FGF12: variants seen among roughly 807,000 people sequenced by gnomAD.
FGF12 encodes the protein fibroblast growth factor 12.
A neutral mutation model predicts 23.6 loss-of-function variants in FGF12; 14 were observed. The observed-to-expected ratio is 0.59, with a 90% CI of 0.39 to 0.93. The LOEUF is 0.93. Among genes scored for constraint, FGF12 ranks in the 40% least tolerant of loss-of-function variants. FGF12 has a pLI of 0.00. For synonymous variants in FGF12, 62 were observed against 77.3 expected, an observed-to-expected ratio of 0.80 and a Z score of 1.04; for missense variants, 175 against 217.8, an observed-to-expected ratio of 0.80 and a Z score of 1.24.
In FGF12 at chr3:192,614,930, T is replaced by G. The variant is rs567342456; in HGVS notation, c.13+112251A>C. On this transcript the variant is annotated intron_variant, in intron 2 of 5. Transcript: ENST00000445105. ...TTTTTGTTTTATTTGTTTACAGGGG[T>G]TTTTTTCTCCATTATATCACTCTCT... Among the ~76,000 whole-genome samples, 4 of 151,176 alleles carry G rather than the reference T, an allele frequency of 2.6e-5. No individual in the cohort carries two copies. In the South Asian group the frequency reaches 8.3e-4, roughly 31 times the overall value.
chr3:192,516,008 C>T (rs1440568629), intron 2 of FGF12, among the ~76,000 whole-genome samples: 1 of 152,142 alleles, frequency 6.6e-6, no homozygotes, highest in East Asian at 1.9e-4. Context: ...ACACTAGAGA[C>T]AAGCAGCGTT....
At chr3:192,622,368 C>T (rs1715007104) in intron 2 of FGF12, among the ~76,000 whole-genome samples, 1 of 152,118 alleles carries the variant, frequency 6.6e-6, no homozygotes, top group Non-Finnish European at 1.5e-5. Context: ...GAGCAGAAAC[C>T]ACTAAACTAG....
At chr3:192,652,971 T>C (rs759798788) in intron 2 of FGF12, among the ~76,000 whole-genome samples, 10 of 152,206 alleles carry the variant, frequency 6.6e-5, no homozygotes, top group Non-Finnish European at 1.5e-4. Context: ...AAGCACCCAT[T>C]GTTAATTTGA....
intron 4 of FGF12, among the ~76,000 whole-genome samples, chr3:192,218,615 T>A (rs774768430): frequency 2.6e-5 from 4 of 152,164 alleles, no homozygotes; most frequent in Non-Finnish European, 5.9e-5. Flanking sequence ...AGGAGAAGCC[T>A]ATACAGCCTG....
At chr3:192,660,280 T>G (rs1376089937) in intron 2 of FGF12, among the ~76,000 whole-genome samples, 1 of 146,670 alleles carries the variant, frequency 6.8e-6, no homozygotes, top group Admixed American at 7.1e-5. Context: ...AAACACCTCA[T>G]GTTCTCACTC....
At chr3:192,328,119 A>G (rs960312260) in intron 4 of FGF12, among the ~76,000 whole-genome samples, 1 of 152,192 alleles carries the variant, frequency 6.6e-6, no homozygotes, top group African/African-American at 2.4e-5. Flanking sequence ...GTGGGACTGG[A>G]AGCAGAGTCA....
chr3:192,603,304 G>C (rs930154968), intron 2 of FGF12, among the ~76,000 whole-genome samples: 5 of 152,118 alleles, frequency 3.3e-5, no homozygotes, highest in African/African-American at 1.2e-4. Flanking sequence ...CTGCCAAAAG[G>C]TTCCTGGAAC....
intron 2 of FGF12, among the ~76,000 whole-genome samples, chr3:192,707,843 T>C (rs1334016021): frequency 6.6e-6 from 1 of 151,686 alleles, no homozygotes; most frequent in Non-Finnish European, 1.5e-5. Context: ...TCCACCAAGG[T>C]GCAGGAGAAA....
chr3:192,508,383 C>A (rs913996591), intron 2 of FGF12, among the ~76,000 whole-genome samples: 4 of 152,128 alleles, frequency 2.6e-5, no homozygotes, highest in African/African-American at 7.2e-5. Context: ...ATAAGGATAA[C>A]AATTGCATAC....
intron 2 of FGF12, among the ~76,000 whole-genome samples, chr3:192,496,613 T>C (rs907858565): frequency 1.3e-5 from 2 of 152,138 alleles, no homozygotes; most frequent in Non-Finnish European, 2.9e-5. Context: ...GATTTTTCCA[T>C]ACTCACTGTC....
Position 192,645,796 on chromosome 3 carries a change from G to T in FGF12, c.13+81385C>A, listed in dbSNP as rs544878546. Reference sequence around the variant, plus strand: ...AAAAAAAAAAAAAAAAAAAAAAAAAGTCTAGCTTTCTTGGAACCAACATTC... The same window carrying T: ...AAAAAAAAAAAAAAAAAAAAAAAAATTCTAGCTTTCTTGGAACCAACATTC... On this transcript the variant is annotated intron_variant, in intron 2 of 5. Coordinates refer to ENST00000445105, the MANE Select transcript of FGF12 (RefSeq NM_004113.6). Among the ~76,000 whole-genome samples, 322 of 85,512 alleles carry T rather than the reference G, an allele frequency of 3.8e-3. 2 individuals are homozygous for T. Among genetic ancestry groups the T allele is most frequent in the African/African-American group, 0.013 (307 of 22,900 alleles). 56.1% of individuals were successfully genotyped at this position (85,512 alleles called of 152,430 possible). A position where few individuals can be genotyped will look rare whatever the true frequency, so the allele number is the denominator to read the frequency against.
intron 2 of FGF12, among the ~76,000 whole-genome samples, chr3:192,522,208 AAAAC>A (rs1195429007): frequency 1.4e-4 from 21 of 151,834 alleles, no homozygotes; most frequent in African/African-American, 5.1e-4. Context: ...AAAAAAAAAA[AAAAC>A]AAAAAAAAAC....
At chr3:192,145,786 T>A (rs1704866496) in intron 5 of FGF12, among the ~76,000 whole-genome samples, 1 of 152,180 alleles carries the variant, frequency 6.6e-6, no homozygotes, top group South Asian at 2.1e-4. Flanking sequence ...ATCATATAAT[T>A]TTCAAATGAC....
At chr3:192,268,250 A>G (rs767617131) in intron 4 of FGF12, among the ~76,000 whole-genome samples, 11 of 152,102 alleles carry the variant, frequency 7.2e-5, no homozygotes, top group Non-Finnish European at 1.6e-4. Flanking sequence ...TGCTGCTTCC[A>G]ATTTTCCACG....
At chr3:192,425,508 G>T (rs1023458205) in intron 2 of FGF12, among the ~76,000 whole-genome samples, 2 of 152,266 alleles carry the variant, frequency 1.3e-5, no homozygotes, top group Non-Finnish European at 2.9e-5. Flanking sequence ...CCAGGGCAGC[G>T]ATCCTATGTG....
At chr3:192,427,978 T>A (rs997644929) in intron 2 of FGF12, among the ~76,000 whole-genome samples, 1 of 152,230 alleles carries the variant, frequency 6.6e-6, no homozygotes, top group Non-Finnish European at 1.5e-5. Flanking sequence ...CCACTGAGAA[T>A]GTCTTAGAAC....
chr3:192,421,021 G>T (rs1346219825), intron 2 of FGF12, among the ~76,000 whole-genome samples: 1 of 152,154 alleles, frequency 6.6e-6, no homozygotes, highest in Non-Finnish European at 1.5e-5. Context: ...ACACAATGAA[G>T]GGGGTGGAGA....
intron 2 of FGF12, among the ~76,000 whole-genome samples, chr3:192,688,836 C>G (rs982658077): frequency 1.3e-5 from 2 of 152,168 alleles, no homozygotes; most frequent in East Asian, 1.9e-4. Context: ...ATGGAATCAA[C>G]CTAAAAATTC....
chr3:192,270,968 C>T (rs557128022), intron 4 of FGF12, among the ~76,000 whole-genome samples: 113 of 152,250 alleles, frequency 7.4e-4, no homozygotes, highest in Non-Finnish European at 1.2e-3. Context: ...TTTTCTTGCC[C>T]TTCTGAGTTT....
Sources: gnomAD v4.1 joint callset for allele counts (sites outside exome capture counted in the v4.1 genomes callset) on GRCh38, gnomAD v4.1.1 for gene constraint, MANE v1.5 for transcripts, NCBI Gene and HGNC (gene_info 2026-07-23, HGNC 2026-07-21) for gene names.